CFAP46: variants seen among roughly 807,000 people sequenced by gnomAD.
The protein encoded by CFAP46 is cilia and flagella associated protein 46.
CFAP46 carries 245 observed loss-of-function variants against 325.7 expected under a neutral mutation model. The ratio of observed to expected loss-of-function variants is 0.75; its 90% CI spans 0.68 to 0.84. The LOEUF (loss-of-function observed/expected upper bound fraction) is 0.84, where lower values mean the gene tolerates loss of function less well. Ranked by LOEUF, CFAP46 falls within the 40% of genes least tolerant of loss-of-function variation. CFAP46 has a pLI of 0.00. For missense variants in CFAP46, 3,346 were observed against 3,543.0 expected, an observed-to-expected ratio of 0.94 and a Z score of 1.41; for synonymous variants, 1,523 against 1,495.9, an observed-to-expected ratio of 1.02 and a Z score of -0.42.
intron 24 of CFAP46, among the ~76,000 whole-genome samples, chr10:132,897,574 C>T (rs941790727): frequency 2.6e-5 from 4 of 152,258 alleles, no homozygotes; most frequent in Admixed American, 6.5e-5. Flanking sequence ...TGCTGGGCAG[C>T]GCCAGTGGGA....
At chr10:132,865,515 G>C (rs539959127) in intron 35 of CFAP46, among the ~76,000 whole-genome samples, 1 of 152,320 alleles carries the variant, frequency 6.6e-6, no homozygotes, top group Admixed American at 6.5e-5. Context: ...GGGGAGACGG[G>C]GCCTCAGCAA....
At chr10:132,855,927 C>T (rs535928965) in intron 39 of CFAP46, among the ~76,000 whole-genome samples, 1 of 152,316 alleles carries the variant, frequency 6.6e-6, no homozygotes, top group South Asian at 2.1e-4. Flanking sequence ...GTTCGAGGCT[C>T]TCCATGCACC....
intron 50 of CFAP46, among the ~76,000 whole-genome samples, chr10:132,816,040 C>T (rs1334283992): frequency 1.3e-5 from 2 of 152,088 alleles, no homozygotes; most frequent in African/African-American, 2.4e-5. Context: ...CATCGATGTC[C>T]TTTTTTATTG....
At chr10:132,848,097 AC>A (rs1848471360) in intron 41 of CFAP46, among the ~76,000 whole-genome samples, 1 of 152,152 alleles carries the variant, frequency 6.6e-6, no homozygotes, top group Admixed American at 6.5e-5. Flanking sequence ...GGGCTGCACC[AC>A]GTGCAGCCAC....
chr10:132,896,229 C>CGGTG (rs1214396723), intron 24 of CFAP46, among the ~76,000 whole-genome samples: 6 of 132,960 alleles, frequency 4.5e-5, no homozygotes, highest in Non-Finnish European at 7.8e-5. Flanking sequence ...CCATGAGACA[C>CGGTG]AGTGAGAAGG....
At chr10:132,902,208 C>T (rs915604769) in intron 22 of CFAP46, among the ~76,000 whole-genome samples, 5 of 150,612 alleles carry the variant, frequency 3.3e-5, no homozygotes, top group Non-Finnish European at 7.4e-5. Flanking sequence ...CCCCTGCTGC[C>T]TCTGTCCTCC....
chr10:132,836,087 C>G, intron 46 of CFAP46, 55 bp downstream of exon 46: 1 of 1,376,476 alleles, frequency 7.3e-7, no homozygotes, highest in Non-Finnish European at 9.8e-7. Flanking sequence ...TCCCCACTCT[C>G]GCCCATGCTC....
At chr10:132,868,879 T>C (rs1386304020) in intron 33 of CFAP46, among the ~76,000 whole-genome samples, 1 of 152,254 alleles carries the variant, frequency 6.6e-6, no homozygotes, top group Non-Finnish European at 1.5e-5. Context: ...CAGCCTGATG[T>C]TAGTAAACTT....
intron 24 of CFAP46, among the ~76,000 whole-genome samples, chr10:132,893,864 C>T (rs940287014): frequency 1.3e-5 from 2 of 152,154 alleles, no homozygotes; most frequent in Non-Finnish European, 2.9e-5. Flanking sequence ...ACTGAGGTTG[C>T]TGCAGCCCCC....
chr10:132,847,182 C>CG lies in CFAP46; in HGVS notation c.6087+4dup, dbSNP rs1848452474. 3.1e-6 allele frequency: 5 copies of CG among 1,610,350 alleles called. No homozygotes were observed. In the South Asian group the frequency reaches 5.5e-5, roughly 18 times the overall value. On this transcript the variant is annotated splice_donor_region_variant and intron_variant, in intron 42 of 57. Coordinates refer to ENST00000368586, the MANE Select transcript of CFAP46 (RefSeq NM_001200049.3). The surrounding 1 kb of genome is among the most constrained non-coding windows in gnomAD (Gnocchi z 5.2). ...CCACACGAGGGGCAGGAGGGGCAGC[C>CG]GCACCTTCAGGTCCTCGCCTCTCCT...
chr10:132,891,350 G>A (rs942115543), intron 25 of CFAP46, among the ~76,000 whole-genome samples: 1 of 152,182 alleles, frequency 6.6e-6, no homozygotes, highest in African/African-American at 2.4e-5. Flanking sequence ...GGGTGGACAG[G>A]CCTCATCATC....
At chr10:132,812,541 C>T (rs936971889) in intron 55 of CFAP46, among the ~76,000 whole-genome samples, 7 of 151,802 alleles carry the variant, frequency 4.6e-5, no homozygotes, top group South Asian at 4.2e-4. Flanking sequence ...AAATGAAGGG[C>T]GGGAGGGCCA....
At chr10:132,825,936 G>T (rs964589787) in intron 50 of CFAP46, among the ~76,000 whole-genome samples, 3 of 149,136 alleles carry the variant, frequency 2.0e-5, no homozygotes, top group Non-Finnish European at 3.0e-5. Flanking sequence ...ATAAATTGTG[G>T]TGGGTGGAAC....
Position 132,832,888 on chromosome 10 carries a change from T to C in CFAP46, c.7117+470A>G. 2.2e-6 allele frequency: 1 copy of C among 459,312 alleles called. No individual in the cohort carries two copies. The highest frequency in any genetic ancestry group is 7.1e-5 in the East Asian group (1 of 14,058). The allele number at this position is 459,312 out of a possible 1,614,324, so 28.5% of individuals were successfully genotyped here. A position where few individuals can be genotyped will look rare whatever the true frequency, so the allele number is the denominator to read the frequency against. ...GGTATTTGTGGGGGCAAGAACAGCGTTAAGTTTGTCTTCCCTGTGTGTTTA... is the reference window on the plus strand; with the variant it reads ...GGTATTTGTGGGGGCAAGAACAGCGCTAAGTTTGTCTTCCCTGTGTGTTTA... On this transcript the variant is annotated intron_variant, in intron 50 of 57. Coordinates refer to ENST00000368586, the MANE Select transcript of CFAP46 (RefSeq NM_001200049.3). The surrounding 1 kb of genome is among the most constrained non-coding windows in gnomAD (Gnocchi z 4.1).
intron 19 of CFAP46, among the ~76,000 whole-genome samples, chr10:132,911,778 G>A (rs1161840932): frequency 6.6e-6 from 1 of 152,148 alleles, no homozygotes; most frequent in African/African-American, 2.4e-5. Flanking sequence ...TTACTGGGAC[G>A]GCTGCATGTG....
intron 55 of CFAP46, among the ~76,000 whole-genome samples, chr10:132,811,370 C>T (rs1301657656): frequency 6.6e-6 from 1 of 152,206 alleles, no homozygotes; most frequent in Middle Eastern, 3.2e-3. Flanking sequence ...CCTGGCACCC[C>T]ACATGAATGA....
Position 132,919,952 on chromosome 10 carries a change from C to T in CFAP46, c.1730+107G>A. On this transcript the variant is annotated intron_variant, in intron 14 of 57. Transcript: ENST00000368586. The surrounding 1 kb of genome is among the most constrained non-coding windows in gnomAD (Gnocchi z 9.7). ...TGGAGCAGGTGGCCTGGCGAGTCCC[C>T]AGACGGCCACATGCAGGGTCAGCTC... 8 of 1,377,076 alleles carry T rather than the reference C, an allele frequency of 5.8e-6. No homozygotes were observed. Among genetic ancestry groups the T allele is most frequent in the Non-Finnish European group, 6.6e-6 (7 of 1,057,694 alleles). 85.3% of individuals were successfully genotyped at this position (1,377,076 alleles called of 1,614,324 possible). A position where few individuals can be genotyped will look rare whatever the true frequency, so the allele number is the denominator to read the frequency against.
chr10:132,913,930 C>T (rs1849598530), intron 17 of CFAP46, among the ~76,000 whole-genome samples: 1 of 152,134 alleles, frequency 6.6e-6, no homozygotes, highest in Non-Finnish European at 1.5e-5. Flanking sequence ...CCTCATCCTC[C>T]CTGGACACCT....
At position 132,879,603 on chromosome 10, in the gene CFAP46, T is replaced by G; in HGVS notation, c.3828A>C (p.Pro1276=). 1.9e-6 allele frequency: 3 copies of G among 1,543,354 alleles called. No individual in the cohort carries two copies. The highest frequency in any genetic ancestry group is 2.6e-6 in the Non-Finnish European group (3 of 1,144,338). The change falls in exon 29 of 58, where the codon CCA becomes CCC. Residue 1276 remains proline, a synonymous_variant. Coordinates refer to ENST00000368586, the MANE Select transcript of CFAP46 (RefSeq NM_001200049.3). The part of the protein sequence containing the change: ...DGEYVAVEMP[P]RSPVSEAEEA... ...CCTCGGCCTCGGACACGGGGCTCCG[T>G]GGGGGCATCTCCACAGCCACGTACT...
Sources: allele counts gnomAD v4.1 joint callset (sites outside exome capture counted in the v4.1 genomes callset), GRCh38; gene constraint gnomAD v4.1.1; non-coding constraint Gnocchi (gnomAD v3.1); transcripts MANE v1.5; gene names NCBI Gene and HGNC (gene_info 2026-07-23, HGNC 2026-07-21).